Variants in CDH23 observed in about 807,000 individuals in gnomAD.
The protein encoded by CDH23 is cadherin related 23, also known as cadherin-23.
Under a neutral mutation model 317.1 loss-of-function variants are expected in CDH23, and 189 were observed. The observed-to-expected ratio is 0.60, with a 90% CI of 0.53 to 0.67. The LOEUF (loss-of-function observed/expected upper bound fraction) is 0.67, where lower values mean the gene tolerates loss of function less well. Among genes scored for constraint, CDH23 ranks in the 30% least tolerant of loss-of-function variants. The pLI, the probability that CDH23 is intolerant of heterozygous loss-of-function variation, is 0.00. For missense variants in CDH23, 4,401 were observed against 4,592.4 expected (o/e 0.96, Z 1.20); for synonymous variants, 1,839 against 1,876.8 (o/e 0.98, Z 0.52).
chr10:71,545,422 C>T (rs1192091288), intron 6 of CDH23, among the ~76,000 whole-genome samples: 1 of 152,208 alleles, frequency 6.6e-6, no homozygotes, highest in Non-Finnish European at 1.5e-5. Flanking sequence ...ATCAATGAGC[C>T]TGCCCTGTGT....
chr10:71,633,633 G>A (rs2132558841), intron 11 of CDH23, among the ~76,000 whole-genome samples: 1 of 152,282 alleles, frequency 6.6e-6, no homozygotes, highest in African/African-American at 2.4e-5. Context: ...AGACCGGGCA[G>A]CTCCCTTGGA....
At chr10:71,576,140 T>C (rs1322547015) in intron 8 of CDH23, among the ~76,000 whole-genome samples, 1 of 152,194 alleles carries the variant, frequency 6.6e-6, no homozygotes, top group East Asian at 1.9e-4. Flanking sequence ...GGCACTTTTG[T>C]CGCCAGGTCT....
intron 38 of CDH23, among the ~76,000 whole-genome samples, chr10:71,759,425 T>G (rs1840238169): frequency 6.6e-6 from 1 of 151,946 alleles, no homozygotes; most frequent in Admixed American, 6.6e-5. Context: ...GAAGATCACT[T>G]GCATCTGGAA....
chr10:71,495,065 C>T (rs1034622057), intron 3 of CDH23, among the ~76,000 whole-genome samples: 4 of 152,096 alleles, frequency 2.6e-5, no homozygotes, highest in African/African-American at 9.7e-5. Flanking sequence ...GGGGGCAGGG[C>T]CTCTGCCAAC....
intron 9 of CDH23, among the ~76,000 whole-genome samples, chr10:71,581,694 A>G (rs1185552478): frequency 6.6e-6 from 1 of 152,256 alleles, no homozygotes; most frequent in Non-Finnish European, 1.5e-5. Context: ...AGGACCTGGC[A>G]TGGGCCCCAT....
chr10:71,718,817 A>G (rs754126295), intron 28 of CDH23, among the ~76,000 whole-genome samples: 5 of 152,114 alleles, frequency 3.3e-5, no homozygotes, highest in African/African-American at 9.7e-5. Flanking sequence ...CTGTAATCCC[A>G]GCACTTTGGG....
intron 69 of CDH23, 98 bp downstream of exon 69, chr10:71,813,446 C>A: frequency 9.2e-7 from 1 of 1,088,932 alleles, no homozygotes; most frequent in Non-Finnish European, 1.4e-6. Context: ...GTCTCTGGAG[C>A]TCTGCAGCCA....
At chr10:71,549,591 T>A (rs1856470300) in intron 6 of CDH23, among the ~76,000 whole-genome samples, 1 of 152,190 alleles carries the variant, frequency 6.6e-6, no homozygotes, top group Non-Finnish European at 1.5e-5. Context: ...CTTATCAGCA[T>A]GTTGGGTAGA....
intron 1 of CDH23, among the ~76,000 whole-genome samples, chr10:71,424,544 A>G (rs1848964484): frequency 6.6e-6 from 1 of 152,198 alleles, no homozygotes; most frequent in South Asian, 2.1e-4. Context: ...TCATCCCCAC[A>G]GGGATCCCCT....
chr10:71,799,520 G>C lies in CDH23; in HGVS notation c.7253G>C (p.Gly2418Ala), dbSNP rs1341832057. The change falls in exon 52 of 70, where the codon GGC becomes GCC. Residue 2418 changes from glycine (G) to alanine (A), a missense_variant. Gly to Ala is a moderately conservative substitution (Grantham distance 60, BLOSUM62 0). Around this residue, in one of 3 missense-constraint regions of CDH23, gnomAD observed 189 missense variants for 250.9 expected, o/e 0.75. Transcript: ENST00000224721. The part of the protein sequence containing the change: ...QEAVFEDVPV[G>A]TIILTVTATD... ...GCTGTCTTTGAGGATGTGCCTGTGGGCACAATCATCCTGACAGTCACTGCC... is the reference window on the plus strand; with the variant it reads ...GCTGTCTTTGAGGATGTGCCTGTGGCCACAATCATCCTGACAGTCACTGCC... The C allele has an allele frequency of 6.2e-7, 1 of 1,614,066 alleles. No homozygotes were observed. Among genetic ancestry groups the C allele is most frequent in the East Asian group, 2.2e-5 (1 of 44,886 alleles).
chr10:71,426,929 TGA>T (rs1849102408), intron 1 of CDH23, among the ~76,000 whole-genome samples: 1 of 151,946 alleles, frequency 6.6e-6, no homozygotes, highest in Non-Finnish European at 1.5e-5. Flanking sequence ...AAGAATTGCT[TGA>T]GTCCAGGAGT....
At chr10:71,466,092 A>G (rs568799092) in intron 3 of CDH23, among the ~76,000 whole-genome samples, 2 of 151,942 alleles carry the variant, frequency 1.3e-5, no homozygotes, top group East Asian at 1.9e-4. Context: ...CCTCTCACCC[A>G]CTCCAGGGCC....
intron 14 of CDH23, chr10:71,647,119 C>T (rs766182858): frequency 3.0e-5 from 29 of 978,794 alleles, no homozygotes; most frequent in Middle Eastern, 5.3e-4. Flanking sequence ...GGGACAGAAA[C>T]CCTTAAGTAG....
At chr10:71,569,063 G>T (rs542407211) in intron 7 of CDH23, among the ~76,000 whole-genome samples, 1 of 152,332 alleles carries the variant, frequency 6.6e-6, no homozygotes, top group South Asian at 2.1e-4. Context: ...AGCCCTGGGT[G>T]CCTGGTGGTC....
At chr10:71,812,294 G>T (rs182429431) in intron 66 of CDH23, 186 bp from the exon 67 acceptor site, 1 of 1,598,850 alleles carries the variant, frequency 6.3e-7, no homozygotes. Flanking sequence ...AGACTGACAT[G>T]CGGTCCTGGT....
intron 9 of CDH23, among the ~76,000 whole-genome samples, chr10:71,600,188 GAC>G (rs1383026221): frequency 6.6e-6 from 1 of 151,906 alleles, no homozygotes; most frequent in Non-Finnish European, 1.5e-5. Flanking sequence ...TTTTAGTAGA[GAC>G]AGGGTTTTAC....
rs35848156 is a variant in CDH23, at chr10:71,651,553, C to CAAA, written c.1449+4948_1449+4950dup. On this transcript the variant is annotated intron_variant, in intron 14 of 69. Transcript: ENST00000224721. ...TGTGCAACAGAGTGAGACCCTATCT[C>CAAA]AAAAAAAAAAAAAACCACTGGAGGA... 1.9e-3 allele frequency among the ~76,000 whole-genome samples: 252 copies of CAAA among 135,804 alleles called. 2 individuals carry two copies. The South Asian group carries it at 0.021, about 12-fold the overall frequency. 89.1% of individuals were successfully genotyped at this position (135,804 alleles called of 152,430 possible). A position where few individuals can be genotyped will look rare whatever the true frequency, so the allele number is the denominator to read the frequency against.
chr10:71,547,673 CA>C (rs1178716461), intron 6 of CDH23, among the ~76,000 whole-genome samples: 3 of 152,180 alleles, frequency 2.0e-5, no homozygotes, highest in African/African-American at 4.8e-5. Flanking sequence ...GGGACAGGAG[CA>C]AACTGCTCCT....
intron 38 of CDH23, among the ~76,000 whole-genome samples, chr10:71,755,836 C>T (rs552705314): frequency 6.6e-6 from 1 of 152,256 alleles, no homozygotes; most frequent in South Asian, 2.1e-4. Context: ...CCCCATGCCA[C>T]AGAGCTCAAG....
Sources: gnomAD v4.1 joint callset for allele counts (sites outside exome capture counted in the v4.1 genomes callset) on GRCh38, gnomAD v4.1.1 for gene constraint, gnomAD v4.1.1 regional missense constraint, MANE v1.5 for transcripts, NCBI Gene and HGNC (gene_info 2026-07-23, HGNC 2026-07-21) for gene names.